The following ACYP2 variants were observed in gnomAD, a reference collection of about 807,000 sequenced individuals.
ACYP2 encodes acylphosphatase 2.
A neutral mutation model predicts 11.2 loss-of-function variants in ACYP2; 12 were observed. The observed-to-expected ratio is 1.08, with a 90% CI of 0.69 to 1.74. The LOEUF (loss-of-function observed/expected upper bound fraction) is 1.74, where lower values mean the gene tolerates loss of function less well. ACYP2 is among the 40% of genes most tolerant of loss of function. The pLI is 0.00. For missense variants in ACYP2, 134 were observed against 101.9 expected (o/e 1.31, Z -1.35); for synonymous variants, 43 against 32.2 (o/e 1.33, Z -1.13).
At chr2:54,155,350 C>A (rs13425337) in intron 6 of ACYP2, among the ~76,000 whole-genome samples, 5,761 of 151,710 alleles carry the variant, frequency 0.038, 134 homozygotes, top group African/African-American at 0.045. Context: ...TAGGCTTTTT[C>A]TTTTTCTGCT....
At chr2:54,216,290 T>C (rs918200254) in intron 6 of ACYP2, among the ~76,000 whole-genome samples, 1 of 152,212 alleles carries the variant, frequency 6.6e-6, no homozygotes, top group South Asian at 2.1e-4. Flanking sequence ...CTTCAGTTGA[T>C]GTCTGGTTGA....
At chr2:54,115,691 C>T (rs1415593433) in intron 4 of ACYP2, 1 of 1,610,746 alleles carries the variant, frequency 6.2e-7, no homozygotes, top group Admixed American at 1.7e-5. Flanking sequence ...AGAGGGCTCG[C>T]CGCCGCCATG....
chr2:54,199,126 G>A (rs577784435), intron 6 of ACYP2, among the ~76,000 whole-genome samples: 13 of 152,304 alleles, frequency 8.5e-5, no homozygotes, highest in Non-Finnish European at 1.9e-4. Context: ...AGTCAATTCT[G>A]GTTCAAAAGG....
chr2:54,235,157 C>T (rs937395395), intron 6 of ACYP2, among the ~76,000 whole-genome samples: 1 of 152,106 alleles, frequency 6.6e-6, no homozygotes, highest in Non-Finnish European at 1.5e-5. Flanking sequence ...AGTTTTCTTT[C>T]TAGTAATGCC....
At chr2:54,016,754 C>G (rs1673706894) in intron 2 of ACYP2, among the ~76,000 whole-genome samples, 1 of 134,872 alleles carries the variant, frequency 7.4e-6, no homozygotes, top group African/African-American at 2.8e-5. Context: ...GAGTTGGGGT[C>G]TTGCTGTGTC....
At chr2:54,198,337 A>G (rs1186913160) in intron 6 of ACYP2, among the ~76,000 whole-genome samples, 2 of 152,102 alleles carry the variant, frequency 1.3e-5, no homozygotes, top group Non-Finnish European at 2.9e-5. Context: ...TTTAAAAAGA[A>G]CACTCTGGCT....
intron 6 of ACYP2, among the ~76,000 whole-genome samples, chr2:54,197,103 T>A (rs1684521195): frequency 6.6e-6 from 1 of 152,166 alleles, no homozygotes. Context: ...TTATTTTAGC[T>A]GAGATCTCCC....
intron 6 of ACYP2, among the ~76,000 whole-genome samples, chr2:54,161,707 CTT>C (rs1183009783): frequency 6.6e-6 from 1 of 152,112 alleles, no homozygotes; most frequent in Non-Finnish European, 1.5e-5. Context: ...AGTCAGTTCT[CTT>C]TTACATGAAC....
intron 4 of ACYP2, among the ~76,000 whole-genome samples, chr2:54,119,540 G>A (rs1419616747): frequency 6.6e-6 from 1 of 152,142 alleles, no homozygotes; most frequent in African/African-American, 2.4e-5. Flanking sequence ...TAAAATATTT[G>A]AGTGGAAACT....
intron 2 of ACYP2, among the ~76,000 whole-genome samples, chr2:53,995,489 T>G (rs1010231231): frequency 8.2e-5 from 4 of 48,718 alleles, no homozygotes; most frequent in African/African-American, 3.2e-4. Flanking sequence ...TTATTTATTT[T>G]TTATTTATTT....
chr2:54,002,796 C>A (rs1468196406), intron 2 of ACYP2, among the ~76,000 whole-genome samples: 1 of 151,734 alleles, frequency 6.6e-6, no homozygotes, highest in East Asian at 1.9e-4. Context: ...GGATTACAGG[C>A]ATGCACCACC....
chr2:54,175,656 G>A (rs1195172096), intron 6 of ACYP2, among the ~76,000 whole-genome samples: 3 of 151,930 alleles, frequency 2.0e-5, no homozygotes, highest in Non-Finnish European at 2.9e-5. Context: ...ATGAGCCACC[G>A]TGCCTGGCCT....
At chr2:54,103,857 T>C (rs929315761) in intron 4 of ACYP2, among the ~76,000 whole-genome samples, 4 of 152,180 alleles carry the variant, frequency 2.6e-5, no homozygotes, top group African/African-American at 7.2e-5. Flanking sequence ...TGTAGCCAAA[T>C]AGAGCAGAAT....
intron 6 of ACYP2, among the ~76,000 whole-genome samples, chr2:54,205,693 A>C (rs1401810223): frequency 6.6e-6 from 1 of 152,138 alleles, no homozygotes; most frequent in Non-Finnish European, 1.5e-5. Flanking sequence ...ATGTCTTCCA[A>C]ATATTTTCAT....
chr2:54,113,240 CT>C (rs60452262), intron 4 of ACYP2, among the ~76,000 whole-genome samples: 43,260 of 139,858 alleles, frequency 0.31, 6,350 homozygotes, highest in African/African-American at 0.43. Context: ...GTAGAGATGA[CT>C]TTTTTTTTTT....
intron 4 of ACYP2, among the ~76,000 whole-genome samples, chr2:54,126,373 A>G (rs1016698757): frequency 1.3e-5 from 2 of 152,204 alleles, no homozygotes; most frequent in Non-Finnish European, 2.9e-5. Context: ...ACATACCTTG[A>G]TGGACAACCT....
intron 6 of ACYP2, among the ~76,000 whole-genome samples, chr2:54,304,218 C>CTGTGTGTGTGTGTG (rs10531789): frequency 1.3e-5 from 2 of 149,376 alleles, no homozygotes; most frequent in African/African-American, 4.9e-5. Context: ...ATATATATGT[C>CTGTGTGTGTGTGTG]TGTGTGTGTG....
chr2:54,217,492 G>A (rs115186016), intron 6 of ACYP2, among the ~76,000 whole-genome samples: 1,625 of 151,622 alleles, frequency 0.011, 37 homozygotes, highest in African/African-American at 0.037. Context: ...TTAGCCTCCC[G>A]AGTAGCTAGG....
intron 6 of ACYP2, among the ~76,000 whole-genome samples, chr2:54,215,786 T>G (rs1685534676): frequency 6.6e-6 from 1 of 152,224 alleles, no homozygotes; most frequent in Non-Finnish European, 1.5e-5. Flanking sequence ...CTGCAAGACA[T>G]TCCATTGTAT....
Sources: gnomAD v4.1 joint callset for allele counts (sites outside exome capture counted in the v4.1 genomes callset) on GRCh38, gnomAD v4.1.1 for gene constraint, MANE v1.5 for transcripts, NCBI Gene and HGNC (gene_info 2026-07-23, HGNC 2026-07-21) for gene names.